RABGEF1: variants seen among roughly 807,000 people sequenced by gnomAD.
RABGEF1 encodes RAB guanine nucleotide exchange factor 1.
A neutral mutation model predicts 57.3 loss-of-function variants in RABGEF1; 26 were observed. That is an observed-to-expected ratio of 0.45 (90% confidence interval 0.33 to 0.63). RABGEF1 has a LOEUF of 0.63. Among genes scored for constraint, RABGEF1 ranks in the 20% least tolerant of loss-of-function variants. RABGEF1 has a pLI of 0.02. For missense variants in RABGEF1, 464 were observed against 607.6 expected (o/e 0.76, Z 2.48); for synonymous variants, 185 against 210.7 (o/e 0.88, Z 1.06).
chr7:66,754,581 A>T (rs1055160264), intron 1 of RABGEF1, among the ~76,000 whole-genome samples: 2 of 151,638 alleles, frequency 1.3e-5, no homozygotes, highest in African/African-American at 2.4e-5. Flanking sequence ...TTGTAGCTAC[A>T]TGTGGTAGCC....
intron 1 of RABGEF1, among the ~76,000 whole-genome samples, chr7:66,711,183 G>C (rs1402830336): frequency 6.6e-6 from 1 of 151,998 alleles, no homozygotes; most frequent in Non-Finnish European, 1.5e-5. Flanking sequence ...TCTTTCTGTA[G>C]CTTGTCTTTT....
At chr7:66,767,719 G>C (rs1806102941) in intron 1 of RABGEF1, among the ~76,000 whole-genome samples, 1 of 152,214 alleles carries the variant, frequency 6.6e-6, no homozygotes, top group African/African-American at 2.4e-5. Flanking sequence ...CTCCCACCAT[G>C]TGAGGACACA....
intron 3 of RABGEF1, among the ~76,000 whole-genome samples, chr7:66,777,996 T>C (rs1210104496): frequency 6.6e-6 from 1 of 152,232 alleles, no homozygotes; most frequent in African/African-American, 2.4e-5. Flanking sequence ...TTTTAAAAAT[T>C]CATGTTAGAA....
chr7:66,785,653 T>A (rs544676580), intron 4 of RABGEF1, among the ~76,000 whole-genome samples: 1 of 152,294 alleles, frequency 6.6e-6, no homozygotes, highest in East Asian at 1.9e-4. Flanking sequence ...GGCAGGCGGA[T>A]CACAAGGTCA....
At chr7:66,710,254 T>C (rs1794621799) in intron 1 of RABGEF1, among the ~76,000 whole-genome samples, 1 of 152,234 alleles carries the variant, frequency 6.6e-6, no homozygotes, top group African/African-American at 2.4e-5. Context: ...ATTGATTGGA[T>C]ATACCACAAT....
the RABGEF1 span, among the ~76,000 whole-genome samples, chr7:66,671,146 A>T: frequency 6.6e-6 from 1 of 152,046 alleles, no homozygotes; most frequent in Non-Finnish European, 1.5e-5. Context: ...TACAGTATTT[A>T]ATTTTTAGGT....
chr7:66,786,611 C>T (rs2129147558), intron 4 of RABGEF1, among the ~76,000 whole-genome samples: 1 of 152,240 alleles, frequency 6.6e-6, no homozygotes, highest in Non-Finnish European at 1.5e-5. Context: ...CCTATGTTGC[C>T]CAGGCTGGTC....
intron 1 of RABGEF1, among the ~76,000 whole-genome samples, chr7:66,769,178 A>G (rs1345424752): frequency 2.0e-5 from 3 of 152,232 alleles, no homozygotes; most frequent in Non-Finnish European, 4.4e-5. Context: ...TCTCTTAGAC[A>G]GCTGGGTGAT....
intron 4 of RABGEF1, 41 bp downstream of exon 4, chr7:66,783,882 T>C (rs1810537765): frequency 1.7e-5 from 27 of 1,576,296 alleles, no homozygotes; most frequent in Non-Finnish European, 1.8e-5. Context: ...GAGTTTTGGT[T>C]TGAGGAAAGG....
intron 7 of RABGEF1, among the ~76,000 whole-genome samples, chr7:66,799,880 T>G (rs1449963233): frequency 6.6e-6 from 1 of 152,144 alleles, no homozygotes; most frequent in African/African-American, 2.4e-5. Flanking sequence ...AGAAGCGCTA[T>G]GAGTTATTTT....
At chr7:66,690,379 GT>G (rs1791345216) in intron 1 of RABGEF1, among the ~76,000 whole-genome samples, 1 of 149,688 alleles carries the variant, frequency 6.7e-6, no homozygotes, top group South Asian at 2.1e-4. Flanking sequence ...GATTACAGGC[GT>G]GAGCCATCGC....
intron 6 of RABGEF1, among the ~76,000 whole-genome samples, chr7:66,798,915 T>C (rs1202471865): frequency 1.3e-5 from 2 of 151,964 alleles, no homozygotes; most frequent in Non-Finnish European, 2.9e-5. Flanking sequence ...TGAGCCAAGA[T>C]TGGCACTCCA....
upstream of RABGEF1, among the ~76,000 whole-genome samples, chr7:66,738,628 A>T (rs1384673269): frequency 6.7e-6 from 1 of 149,034 alleles, no homozygotes; most frequent in African/African-American, 2.5e-5. Flanking sequence ...GCTACTAGGG[A>T]GGTGGAGGCA....
intron 2 of RABGEF1, among the ~76,000 whole-genome samples, chr7:66,720,908 G>T (rs80210353): frequency 0.039 from 5,992 of 152,044 alleles, 161 homozygotes; most frequent in East Asian, 0.085. Context: ...TAAAAACAAA[G>T]CCATTATTAT....
intron 1 of RABGEF1, among the ~76,000 whole-genome samples, chr7:66,707,067 G>C (rs1794209341): frequency 6.6e-6 from 1 of 152,180 alleles, no homozygotes; most frequent in Admixed American, 6.5e-5. Flanking sequence ...TTATAGGCGT[G>C]AGCCACCGCG....
chr7:66,734,512 T>C (rs148063314), intron 2 of RABGEF1, among the ~76,000 whole-genome samples: 15,752 of 152,062 alleles, frequency 0.1, 887 homozygotes, highest in Non-Finnish European at 0.11. Context: ...GCCAGGCTGG[T>C]CTTGAATGCC....
chr7:66,747,398 T>G (rs941073642), intron 1 of RABGEF1, among the ~76,000 whole-genome samples: 1 of 152,290 alleles, frequency 6.6e-6, no homozygotes, highest in Non-Finnish European at 1.5e-5. Context: ...TCCTCTATGC[T>G]AGGCACAGAA....
At chr7:66,705,461 G>C (rs867464317) in intron 1 of RABGEF1, among the ~76,000 whole-genome samples, 3 of 138,752 alleles carry the variant, frequency 2.2e-5, no homozygotes, top group Admixed American at 7.2e-5. Flanking sequence ...GAGAGAGAGA[G>C]AGAGAGAGAG....
chr7:66,660,739 T>C, the RABGEF1 span, among the ~76,000 whole-genome samples: 1 of 152,236 alleles, frequency 6.6e-6, no homozygotes, highest in South Asian at 2.1e-4. Flanking sequence ...TACCAGTCAG[T>C]TCTACCAGAC....
Sources: allele counts gnomAD v4.1 joint callset (sites outside exome capture counted in the v4.1 genomes callset), GRCh38; gene constraint gnomAD v4.1.1; transcripts MANE v1.5; gene names NCBI Gene and HGNC (gene_info 2026-07-23, HGNC 2026-07-21).